The following CDH4 variants were observed in gnomAD, a reference collection of about 807,000 sequenced individuals.
The protein encoded by CDH4 is cadherin 4.
CDH4 carries 33 observed loss-of-function variants against 86.0 expected under a neutral mutation model. The observed-to-expected ratio is 0.38, with a 90% CI of 0.29 to 0.51. CDH4 has a LOEUF of 0.51. CDH4 is among the 20% of genes least tolerant of loss of function. The pLI is 0.86. For missense variants in CDH4, 1,114 were observed against 1,307.4 expected, an observed-to-expected ratio of 0.85 and a Z score of 2.28; for synonymous variants, 555 against 549.4, an observed-to-expected ratio of 1.01 and a Z score of -0.14.
At chr20:61,422,360 G>A (rs1401275851) in intron 2 of CDH4, among the ~76,000 whole-genome samples, 1 of 136,244 alleles carries the variant, frequency 7.3e-6, no homozygotes, top group Admixed American at 8.2e-5. Context: ...GGTGGCAGAG[G>A]TTGCAGTGAG....
chr20:61,648,991 C>A (rs1287003005), intron 2 of CDH4, among the ~76,000 whole-genome samples: 2 of 152,194 alleles, frequency 1.3e-5, no homozygotes, highest in Non-Finnish European at 2.9e-5. Context: ...GGGACTTGCA[C>A]CAACCTCCTC....
rs138989455 is a variant in CDH4 at position 61,743,362 on chromosome 20, C to T, written c.170-201C>T. Among the ~76,000 whole-genome samples, 1,492 of 152,318 alleles carry T rather than the reference C, an allele frequency of 9.8e-3. 22 individuals are homozygous for T. The highest frequency in any genetic ancestry group is 0.034 in the African/African-American group (1,419 of 41,576). Reference sequence around the variant, plus strand: ...AAGCTCAGTGTTGCTTTTCTTCCCCCCCTTTTTTAAAGGCCTCTGGCTAAT... The same window carrying T: ...AAGCTCAGTGTTGCTTTTCTTCCCCTCCTTTTTTAAAGGCCTCTGGCTAAT... On this transcript the variant is annotated intron_variant, in intron 2 of 15. Transcript: ENST00000614565.
chr20:61,925,538 G>C (rs931330210), intron 11 of CDH4, among the ~76,000 whole-genome samples: 4 of 152,186 alleles, frequency 2.6e-5, no homozygotes, highest in African/African-American at 9.7e-5. Context: ...ATGACTGCCC[G>C]GGCTGCTGTT....
At chr20:61,331,734 G>A (rs972510571) in intron 2 of CDH4, among the ~76,000 whole-genome samples, 2 of 2,292 alleles carry the variant, frequency 8.7e-4, no homozygotes, top group Admixed American at 8.3e-3. Context: ...ACAGAAATGA[G>A]ATGCGAGGCA....
At chr20:61,599,863 A>G (rs2086585039) in intron 2 of CDH4, 4 of 985,562 alleles carry the variant, frequency 4.1e-6, no homozygotes, top group Non-Finnish European at 4.8e-6. Flanking sequence ...GCCGCACACA[A>G]CACAGGAGCA....
In CDH4 at chr20:61,745,124, G is replaced by A. The variant is rs567372744; in HGVS notation, c.396+1335G>A. Among the ~76,000 whole-genome samples the A allele has an allele frequency of 8.3e-4, 126 of 152,338 alleles. 3 individuals are homozygous for A. In the South Asian group the frequency reaches 0.022, roughly 27 times the overall value. ...AAAGGAAATCACCACGCAAGGCGGC[G>A]GCCACTAGCAATCATGGGCACTCCC... On this transcript the variant is annotated intron_variant, in intron 3 of 15. Coordinates refer to ENST00000614565, the MANE Select transcript of CDH4 (RefSeq NM_001794.5).
chr20:61,719,219 G>A (rs1200747769), intron 2 of CDH4: 2 of 423,092 alleles, frequency 4.7e-6, no homozygotes, highest in South Asian at 1.8e-5. Context: ...GGTAGTTTTT[G>A]TTCATTGCTA....
chr20:61,565,221 TAGGTGGTGGTGGTGGTGGTGGC>T (rs2086268487), intron 2 of CDH4, among the ~76,000 whole-genome samples: 1 of 40,548 alleles, frequency 2.5e-5, no homozygotes, highest in South Asian at 8.6e-4. Flanking sequence ...CTCTCGGTGG[TAGGTGGTGGTGGTGGTGGTGGC>T]GGTGCTCTTG....
At position 61,873,897 on chromosome 20, in the gene CDH4, A is replaced by C. The variant is rs1983910699; in HGVS notation, c.1047A>C (p.Arg349=). The change falls in exon 7 of 16, where the codon CGA becomes CGC. Residue 349 remains arginine, a synonymous_variant. Coordinates refer to ENST00000614565, the MANE Select transcript of CDH4 (RefSeq NM_001794.5). ...TCACAGTGGCGGCTGGCCTGGACCG[A>C]GAGGTGAGGCGGGGTGGGGTCTGCG... ...DIVTVAAGLD[R]EKVQQYTVIV... 6.2e-7 allele frequency: 1 copy of C among 1,613,280 alleles called. No homozygotes were observed. Among genetic ancestry groups the C allele is most frequent in the Non-Finnish European group, 8.5e-7 (1 of 1,179,890 alleles).
At position 61,543,365 on chromosome 20, in the gene CDH4, G is replaced by A. The variant is rs117323838; in HGVS notation, c.170-200198G>A. Among the ~76,000 whole-genome samples the A allele has an allele frequency of 2.0e-5, 3 of 152,206 alleles. No individual in the cohort carries two copies. In the South Asian group the frequency reaches 6.2e-4, roughly 31 times the overall value. ...CAATGGAAATGCTGAAGTGTTTGAC[G>A]TGACTCTGTAAACTATGGTTGAAGT... On this transcript the variant is annotated intron_variant, in intron 2 of 15. Transcript: ENST00000614565.
chr20:61,778,813 G>A (rs1273202502), intron 4 of CDH4, among the ~76,000 whole-genome samples: 1 of 152,204 alleles, frequency 6.6e-6, no homozygotes, highest in Non-Finnish European at 1.5e-5. Flanking sequence ...AATGGCAGGA[G>A]GGAGCAGCAT....
intron 2 of CDH4, among the ~76,000 whole-genome samples, chr20:61,591,032 G>A (rs1344103630): frequency 2.6e-5 from 4 of 152,162 alleles, no homozygotes; most frequent in African/African-American, 9.7e-5. Flanking sequence ...CCCAGTACAA[G>A]GGCTAGCCCT....
chr20:61,275,421 G>T (rs2084224475), intron 2 of CDH4, among the ~76,000 whole-genome samples: 1 of 111,186 alleles, frequency 9.0e-6, no homozygotes, highest in Non-Finnish European at 1.8e-5. Flanking sequence ...CAGTTTGGGG[G>T]AGTATTGGGG....
intron 2 of CDH4, among the ~76,000 whole-genome samples, chr20:61,714,133 G>A (rs939382026): frequency 6.6e-6 from 1 of 151,760 alleles, no homozygotes; most frequent in African/African-American, 2.4e-5. Flanking sequence ...TACAAGCTCT[G>A]CCTCCCAGGT....
At chr20:61,857,953 CTGTG>C (rs1003811804) in intron 6 of CDH4, among the ~76,000 whole-genome samples, 1 of 116,870 alleles carries the variant, frequency 8.6e-6, no homozygotes. Context: ...GTCTCTGTGT[CTGTG>C]TGTGTCTCTG....
At chr20:61,710,805 A>G (rs1432258280) in intron 2 of CDH4, among the ~76,000 whole-genome samples, 1 of 152,200 alleles carries the variant, frequency 6.6e-6, no homozygotes, top group Non-Finnish European at 1.5e-5. Context: ...GAGGCCCTAC[A>G]TGCTCAGCCC....
intron 2 of CDH4, among the ~76,000 whole-genome samples, chr20:61,439,995 G>A (rs144606003): frequency 1.0e-3 from 152 of 152,298 alleles, no homozygotes; most frequent in Non-Finnish European, 1.7e-3. Context: ...AGGTCATCAC[G>A]GCTTGATCTT....
intron 4 of CDH4, among the ~76,000 whole-genome samples, chr20:61,843,509 T>TGAGAC (rs1491078238): frequency 0.012 from 582 of 49,424 alleles, 3 homozygotes; most frequent in Non-Finnish European, 0.033. Flanking sequence ...CTGGGAAACA[T>TGAGAC]AGTGAGACCT....
At chr20:61,838,317 G>A (rs1981972190) in intron 4 of CDH4, among the ~76,000 whole-genome samples, 1 of 152,128 alleles carries the variant, frequency 6.6e-6, no homozygotes, top group South Asian at 2.1e-4. Flanking sequence ...AAGGCAGGAG[G>A]TGGGGAGGTA....
Sources: gnomAD v4.1 joint callset for allele counts (sites outside exome capture counted in the v4.1 genomes callset) on GRCh38, gnomAD v4.1.1 for gene constraint, MANE v1.5 for transcripts, NCBI Gene and HGNC (gene_info 2026-07-23, HGNC 2026-07-21) for gene names.